ACSM1: variants seen among roughly 807,000 people sequenced by gnomAD.
The protein encoded by ACSM1 is acyl-coenzyme A synthetase ACSM1, mitochondrial.
Under a neutral mutation model 75.8 loss-of-function variants are expected in ACSM1, and 79 were observed. That is an observed-to-expected ratio of 1.04 (90% CI 0.87 to 1.26). The LOEUF is 1.26. ACSM1 is among the 50% of genes most tolerant of loss of function. The pLI, the probability that ACSM1 is intolerant of heterozygous loss-of-function variation, is 0.00. For missense variants in ACSM1, 676 were observed against 720.1 expected (o/e 0.94, Z 0.70); for synonymous variants, 279 against 265.8 (o/e 1.05, Z -0.48).
At chr16:20,677,539 A>T (rs1596930366) in intron 4 of ACSM1, among the ~76,000 whole-genome samples, 3 of 152,140 alleles carry the variant, frequency 2.0e-5, no homozygotes, top group Admixed American at 2.0e-4. Context: ...GTACCAGGAG[A>T]CCCCCTTCAT....
At chr16:20,682,745 G>A (rs7498905) in intron 3 of ACSM1, among the ~76,000 whole-genome samples, 18,332 of 152,160 alleles carry the variant, frequency 0.12, 1,225 homozygotes, top group South Asian at 0.21. Flanking sequence ...GCCAAAAAAT[G>A]GGTGGACACT....
intron 8 of ACSM1, among the ~76,000 whole-genome samples, chr16:20,638,036 T>C (rs1267968204): frequency 1.3e-5 from 2 of 152,222 alleles, no homozygotes; most frequent in East Asian, 3.8e-4. Flanking sequence ...GTTCTCTCTG[T>C]TAGCACTGCC....
At chr16:20,633,658 G>C (rs1277083566) in intron 10 of ACSM1, among the ~76,000 whole-genome samples, 1 of 152,018 alleles carries the variant, frequency 6.6e-6, no homozygotes, top group Admixed American at 6.6e-5. Context: ...TTTTGTTGTT[G>C]TTGCAGAACT....
rs754132909 is a variant in ACSM1 at position 20,682,241 on chromosome 16, A to C, written c.611+15T>G. 2.2e-5 allele frequency: 35 copies of C among 1,610,876 alleles called. 1 individual carries two copies. The East Asian group carries it at 7.6e-4, about 35-fold the overall frequency. On this transcript the variant is annotated intron_variant, in intron 4 of 13. Coordinates refer to ENST00000520010, the MANE Select transcript of ACSM1 (RefSeq NM_001318890.3). The stretch of plus-strand genomic sequence containing the variant: ...ACTGTACTCAGAGATTATATTCATC[A>C]GACCAGAGACTCACTTAACCAGCGA...
chr16:20,657,835 C>A (rs1470941062), intron 7 of ACSM1, among the ~76,000 whole-genome samples: 8 of 150,882 alleles, frequency 5.3e-5, no homozygotes, highest in Non-Finnish European at 1.0e-4. Context: ...TCAACTCCCA[C>A]CTATGAGGGA....
At chr16:20,679,330 G>A (rs1567304650) in intron 4 of ACSM1, 2 of 152,208 alleles carry the variant, frequency 1.3e-5, no homozygotes, top group South Asian at 4.1e-4. Flanking sequence ...TGACCACACT[G>A]GAGGCTGGTC....
In ACSM1 at chr16:20,682,366, G is replaced by A; in HGVS notation, c.501C>T (p.Ala167=). 1 of 1,614,002 alleles carries A rather than the reference G, an allele frequency of 6.2e-7. No homozygotes were observed. Among genetic ancestry groups the A allele is most frequent in the Non-Finnish European group, 8.5e-7 (1 of 1,179,944 alleles). The change falls in exon 4 of 14, where the codon GCC becomes GCT. Residue 167 remains alanine, a synonymous_variant. Coordinates refer to ENST00000520010, the MANE Select transcript of ACSM1 (RefSeq NM_001318890.3). ...SKAKGIVTID[A]LASEVDSIAS... is the part of the protein sequence containing the mutation. ...CTATGGAGTCCACCTCTGAGGCAAGGGCATCTATGGTCACAATGCCCTTGG... is the reference window on the plus strand; with the variant it reads ...CTATGGAGTCCACCTCTGAGGCAAGAGCATCTATGGTCACAATGCCCTTGG...
chr16:20,680,173 C>T (rs1400845349), intron 4 of ACSM1: 1 of 152,188 alleles, frequency 6.6e-6, no homozygotes, highest in Non-Finnish European at 1.5e-5. Context: ...CAAGAACATG[C>T]AATCCTTTAC....
intron 2 of ACSM1, among the ~76,000 whole-genome samples, chr16:20,688,850 C>T (rs2079601321): frequency 6.6e-6 from 1 of 151,680 alleles, no homozygotes; most frequent in South Asian, 2.1e-4. Flanking sequence ...AATATAAATT[C>T]ATGGACAAAT....
chr16:20,667,696 G>A (rs994508133), intron 6 of ACSM1, among the ~76,000 whole-genome samples: 2 of 152,110 alleles, frequency 1.3e-5, no homozygotes, highest in African/African-American at 4.8e-5. Flanking sequence ...AGACACAGAG[G>A]CTCATATGTT....
At chr16:20,630,507 G>A (rs2017281919) in intron 10 of ACSM1, among the ~76,000 whole-genome samples, 1 of 152,060 alleles carries the variant, frequency 6.6e-6, no homozygotes, top group South Asian at 2.1e-4. Flanking sequence ...AAACCTCAGA[G>A]CCCCAAAATA....
At position 20,691,259 on chromosome 16, in the gene ACSM1, T is replaced by G; in HGVS notation, c.-51-20A>C. 1.5e-6 allele frequency: 2 copies of G among 1,316,634 alleles called. No homozygotes were observed. The highest frequency in any genetic ancestry group is 2.1e-6 in the Non-Finnish European group (2 of 975,420). 81.6% of individuals were successfully genotyped at this position (1,316,634 alleles called of 1,614,324 possible). On this transcript the variant is annotated intron_variant, in intron 1 of 13. Coordinates refer to ENST00000520010, the MANE Select transcript of ACSM1 (RefSeq NM_001318890.3). ...ACCTGCCTTGGGAAGAGATGGCTAA[T>G]AGATTGGCTGTGTATCCAAAACTTT...
intron 7 of ACSM1, among the ~76,000 whole-genome samples, chr16:20,646,414 G>T (rs2018363501): frequency 6.6e-6 from 1 of 152,136 alleles, no homozygotes; most frequent in African/African-American, 2.4e-5. Context: ...CAGGGCAAAT[G>T]CCAGCCCATG....
intron 7 of ACSM1, among the ~76,000 whole-genome samples, chr16:20,652,655 G>T (rs1296580654): frequency 6.6e-6 from 1 of 152,134 alleles, no homozygotes; most frequent in Non-Finnish European, 1.5e-5. Context: ...AAATCTAGAA[G>T]AAATGGATAA....
At chr16:20,635,725 C>T (rs1019841810) in intron 10 of ACSM1, among the ~76,000 whole-genome samples, 33 of 151,778 alleles carry the variant, frequency 2.2e-4, no homozygotes, top group African/African-American at 6.8e-4. Context: ...CTGCAACCTC[C>T]GCCTCCCGGG....
At chr16:20,661,908 C>G (rs928748248) in intron 6 of ACSM1, 35 bp from the exon 7 acceptor site, 2 of 1,475,384 alleles carry the variant, frequency 1.4e-6, no homozygotes, top group Non-Finnish European at 9.5e-7. Flanking sequence ...TTTATTTTTA[C>G]AGTTAAGGTT....
chr16:20,674,458 A>AC (rs1261970875), intron 4 of ACSM1: 1 of 117,982 alleles, frequency 8.5e-6, no homozygotes, highest in African/African-American at 3.4e-5. Flanking sequence ...CCCCCTCTCC[A>AC]CCCCCAAAAT....
intron 7 of ACSM1, among the ~76,000 whole-genome samples, chr16:20,642,382 T>A (rs2018114692): frequency 1.3e-5 from 2 of 152,212 alleles, no homozygotes; most frequent in African/African-American, 2.4e-5. Flanking sequence ...ATCCTCTCTC[T>A]CCTCTTAATG....
At chr16:20,671,477 AC>A (rs1004485298) in intron 5 of ACSM1, 53 bp downstream of exon 5, 9 of 1,534,362 alleles carry the variant, frequency 5.9e-6, no homozygotes, top group Non-Finnish European at 7.0e-6. Flanking sequence ...ACACACACAC[AC>A]AAACTTTGCC....
Sources: allele counts gnomAD v4.1 joint callset (sites outside exome capture counted in the v4.1 genomes callset), GRCh38; gene constraint gnomAD v4.1.1; transcripts MANE v1.5; gene names NCBI Gene and HGNC (gene_info 2026-07-23, HGNC 2026-07-21).